TLE4: variants seen among roughly 807,000 people sequenced by gnomAD.
TLE4 encodes transducin-like enhancer protein 4.
A neutral mutation model predicts 92.8 loss-of-function variants in TLE4; 8 were observed. That is an observed-to-expected ratio of 0.09 (90% CI 0.05 to 0.16). The LOEUF (loss-of-function observed/expected upper bound fraction) is 0.16. Ranked by LOEUF, TLE4 falls within the 10% of genes least tolerant of loss-of-function variation. The pLI is 1.00. For missense variants in TLE4, 675 were observed against 997.6 expected, an observed-to-expected ratio of 0.68 and a Z score of 4.36; for synonymous variants, 371 against 374.1, an observed-to-expected ratio of 0.99 and a Z score of 0.10.
chr9:79,673,862 G>C (rs566968014), intron 8 of TLE4, among the ~76,000 whole-genome samples: 32 of 152,186 alleles, frequency 2.1e-4, no homozygotes, highest in African/African-American at 7.7e-4. Context: ...AGTAGTTTTT[G>C]CCCCGACCCC....
At chr9:79,668,153 CTT>C (rs1449911333) in intron 8 of TLE4, among the ~76,000 whole-genome samples, 1 of 152,188 alleles carries the variant, frequency 6.6e-6, no homozygotes, top group Non-Finnish European at 1.5e-5. Flanking sequence ...GGGTTTCAGT[CTT>C]TTGTTGACAT....
intron 5 of TLE4, among the ~76,000 whole-genome samples, chr9:79,623,319 C>T (rs970318993): frequency 4.6e-5 from 7 of 151,908 alleles, no homozygotes; most frequent in African/African-American, 1.7e-4. Context: ...ATCATAATAC[C>T]TTCTGAGAAA....
intron 8 of TLE4, among the ~76,000 whole-genome samples, chr9:79,684,468 GCAA>G (rs2065378088): frequency 1.5e-4 from 6 of 39,194 alleles, no homozygotes; most frequent in African/African-American, 1.2e-4. Context: ...TGTGAACTGT[GCAA>G]TGCAGGGATC....
At chr9:79,661,860 G>A (rs753455697) in intron 8 of TLE4, among the ~76,000 whole-genome samples, 125 of 152,280 alleles carry the variant, frequency 8.2e-4, no homozygotes, top group Admixed American at 1.2e-3. Flanking sequence ...GTATTGTAAT[G>A]TAACATAAGA....
intron 4 of TLE4, among the ~76,000 whole-genome samples, chr9:79,603,546 A>C (rs1033764993): frequency 1.3e-5 from 2 of 152,116 alleles, no homozygotes; most frequent in African/African-American, 4.8e-5. Context: ...ATGCTACTTC[A>C]CACTTAAACT....
intron 14 of TLE4, among the ~76,000 whole-genome samples, chr9:79,711,945 A>G (rs9632930): frequency 0.049 from 7,522 of 152,188 alleles, 291 homozygotes; most frequent in African/African-American, 0.09. Flanking sequence ...TGGTTTTGGG[A>G]GTGTGACAGA....
At chr9:79,621,161 A>G (rs2050867282) in intron 5 of TLE4, among the ~76,000 whole-genome samples, 1 of 152,216 alleles carries the variant, frequency 6.6e-6, no homozygotes, top group African/African-American at 2.4e-5. Flanking sequence ...GTTGATTTGT[A>G]CTAGCAAATT....
chr9:79,696,566 A>G (rs1350784682), intron 8 of TLE4, among the ~76,000 whole-genome samples: 1 of 152,222 alleles, frequency 6.6e-6, no homozygotes, highest in African/African-American at 2.4e-5. Flanking sequence ...CATACAGAAT[A>G]CATAAGAATA....
chr9:79,708,265 A>G lies in TLE4; in HGVS notation c.1069+15A>G. ...TGACCCTTTGGGTTAGTAAGAAAAA[A>G]GTTTTTTCTATATTTTTATGCTCGT... On this transcript the variant is annotated intron_variant, in intron 12 of 19. Coordinates refer to ENST00000376552, the MANE Select transcript of TLE4 (RefSeq NM_007005.6). The G allele has an allele frequency of 6.2e-7, 1 of 1,611,074 alleles. No individual in the cohort carries two copies. The highest frequency in any genetic ancestry group is 8.5e-7 in the Non-Finnish European group (1 of 1,179,196).
chr9:79,572,938 GC>G, intron 1 of TLE4, 103 bp downstream of exon 1: 1 of 1,280,380 alleles, frequency 7.8e-7, no homozygotes, highest in Non-Finnish European at 1.1e-6. Context: ...GGCGTGGAGA[GC>G]CGCCCGAAAT....
chr9:79,638,191 G>A (rs1028648638), intron 6 of TLE4, among the ~76,000 whole-genome samples: 1 of 152,040 alleles, frequency 6.6e-6, no homozygotes, highest in African/African-American at 2.4e-5. Context: ...ACCATAAAGG[G>A]GCCCCCACCA....
chr9:79,585,363 A>G (rs970962462), intron 4 of TLE4, among the ~76,000 whole-genome samples: 3 of 152,218 alleles, frequency 2.0e-5, no homozygotes, highest in Non-Finnish European at 2.9e-5. Context: ...ACTCAAGGTC[A>G]GAACGCTGGT....
chr9:79,629,805 T>G (rs1286836175), intron 6 of TLE4, among the ~76,000 whole-genome samples: 2 of 152,212 alleles, frequency 1.3e-5, no homozygotes, highest in African/African-American at 4.8e-5. Flanking sequence ...AAATTTTTGC[T>G]GCTGAGGTTC....
chr9:79,652,520 C>G, intron 6 of TLE4, 73 bp from the exon 7 acceptor site: 1 of 1,558,666 alleles, frequency 6.4e-7, no homozygotes, highest in Non-Finnish European at 8.8e-7. Flanking sequence ...TTTATGCCTC[C>G]TTTCTGTTTC....
chr9:79,602,346 T>C (rs2045853362), intron 4 of TLE4, among the ~76,000 whole-genome samples: 1 of 152,210 alleles, frequency 6.6e-6, no homozygotes, highest in African/African-American at 2.4e-5. Flanking sequence ...TCTAGGACTT[T>C]CATAGCTAGA....
rs76822591 is a variant in TLE4, at chr9:79,578,437, T to A, written c.252+2260T>A. 1.4e-4 allele frequency among the ~76,000 whole-genome samples: 22 copies of A among 152,354 alleles called. No individual in the cohort carries two copies. In the East Asian group the frequency reaches 4.2e-3, roughly 29 times the overall value. On this transcript the variant is annotated intron_variant, in intron 4 of 19. Transcript: ENST00000376552. Reference sequence around the variant, plus strand: ...GCTGCTGCTAGCCACAGAATATTTATTTTTAGAGAAATTTTTCATTGGAAC... The same window carrying A: ...GCTGCTGCTAGCCACAGAATATTTAATTTTAGAGAAATTTTTCATTGGAAC...
chr9:79,641,917 ACAGTGAAGT>A (rs1357486112), intron 6 of TLE4, among the ~76,000 whole-genome samples: 1 of 151,780 alleles, frequency 6.6e-6, no homozygotes, highest in Non-Finnish European at 1.5e-5. Flanking sequence ...TCATGAGTGT[ACAGTGAAGT>A]CTATTTAGTG....
At chr9:79,683,156 G>A (rs575069077) in intron 8 of TLE4, among the ~76,000 whole-genome samples, 5 of 152,292 alleles carry the variant, frequency 3.3e-5, no homozygotes, top group South Asian at 2.1e-4. Flanking sequence ...AAGATTTGCC[G>A]ACCTTTGATG....
At position 79,576,138 on chromosome 9, in the gene TLE4, T is replaced by C. The variant is rs2037677706; in HGVS notation, c.213T>C (p.Tyr71=). The C allele has an allele frequency of 6.6e-7, 1 of 1,506,922 alleles. No homozygotes were observed. Among genetic ancestry groups the C allele is most frequent in the Non-Finnish European group, 8.9e-7 (1 of 1,119,856 alleles). 93.3% of individuals were successfully genotyped at this position (1,506,922 alleles called of 1,614,324 possible). The part of the protein sequence containing the change: ...TEMQRHYVMY[Y]EMSYGLNIEM... ...TGCTTTTCCTTCTTTGACAGTATTA[T>C]GAAATGTCCTATGGGTTGAATATAG... The change falls in exon 4 of 20, where the codon TAT becomes TAC. Residue 71 remains tyrosine, a synonymous_variant. Transcript: ENST00000376552.
Sources: gnomAD v4.1 joint callset for allele counts (sites outside exome capture counted in the v4.1 genomes callset) on GRCh38, gnomAD v4.1.1 for gene constraint, MANE v1.5 for transcripts, NCBI Gene and HGNC (gene_info 2026-07-23, HGNC 2026-07-21) for gene names.